Variants in KDM4B observed in about 807,000 individuals in gnomAD.
The protein encoded by KDM4B is lysine-specific demethylase 4B.
Under a neutral mutation model 125.2 loss-of-function variants are expected in KDM4B, and 32 were observed. The observed-to-expected ratio is 0.26, with a 90% confidence interval of 0.19 to 0.34. The LOEUF is 0.34. Among genes scored for constraint, KDM4B ranks in the 10% least tolerant of loss-of-function variants. The pLI, the probability that KDM4B is intolerant of heterozygous loss-of-function variation, is 1.00. For missense variants in KDM4B, 1,190 were observed against 1,577.7 expected (o/e 0.75, Z 4.16); for synonymous variants, 721 against 677.9 (o/e 1.06, Z -0.99).
intron 10 of KDM4B, chr19:5,111,388 G>GT (rs766706852): frequency 1.3e-6 from 1 of 764,976 alleles, no homozygotes; most frequent in Admixed American, 1.7e-5. Flanking sequence ...CCCTCCCTGC[G>GT]TATCGCCGCA....
chr19:5,143,144 A>G (rs2039775353), intron 18 of KDM4B, among the ~76,000 whole-genome samples: 1 of 152,030 alleles, frequency 6.6e-6, no homozygotes. Context: ...TGGACAATAT[A>G]GCAAGACTCC....
chr19:5,090,766 G>A (rs999412501), intron 9 of KDM4B, among the ~76,000 whole-genome samples: 3 of 149,422 alleles, frequency 2.0e-5, no homozygotes, highest in Non-Finnish European at 4.5e-5. Flanking sequence ...ACAGCAGGAG[G>A]CTGGGCCCAG....
chr19:5,014,178 GCT>G (rs966003172), intron 1 of KDM4B, among the ~76,000 whole-genome samples: 26 of 152,358 alleles, frequency 1.7e-4, no homozygotes, highest in Admixed American at 1.2e-3. Context: ...ACAGGGTCTC[GCT>G]CTGTCGCCCA....
At chr19:5,123,297 A>G (rs916461470) in intron 11 of KDM4B, among the ~76,000 whole-genome samples, 2 of 152,214 alleles carry the variant, frequency 1.3e-5, no homozygotes, top group Non-Finnish European at 2.9e-5. Context: ...GGAAGCGGGA[A>G]GGTCACGGTC....
Position 5,110,654 on chromosome 19 carries a change from C to T in KDM4B, c.951C>T (p.Ser317=). Residue 317 remains serine (S), a synonymous_variant, in exon 10 of 23, where the codon TCC becomes TCT. Coordinates refer to ENST00000159111, the MANE Select transcript of KDM4B (RefSeq NM_015015.3). ...GCCGGAAGGACATGGTCAAGATCTC[C>T]ATGGACGTGTTCGTGCGCATCCTGC... ...CTCRKDMVKI[S]MDVFVRILQP... 2.5e-6 allele frequency: 4 copies of T among 1,613,060 alleles called. No individual in the cohort carries two copies. The highest frequency in any genetic ancestry group is 3.4e-6 in the Non-Finnish European group (4 of 1,179,908).
intron 6 of KDM4B, among the ~76,000 whole-genome samples, chr19:5,060,433 C>CAAAAAAAAAAAAAAAAAAAAAA (rs901472663): frequency 1.5e-4 from 5 of 32,978 alleles, no homozygotes; most frequent in Admixed American, 4.9e-4. Context: ...ACTCTGTCTC[C>CAAAAAAAAAAAAAAAAAAAAAA]AAAAAAAAAA....
chr19:5,145,623 G>A (rs542741474), intron 21 of KDM4B, among the ~76,000 whole-genome samples: 26 of 152,046 alleles, frequency 1.7e-4, no homozygotes, highest in East Asian at 1.9e-4. Context: ...AAATAAAAGC[G>A]TGGAATTTTA....
intron 2 of KDM4B, among the ~76,000 whole-genome samples, chr19:5,021,954 T>C (rs995086135): frequency 1.3e-5 from 2 of 152,132 alleles, no homozygotes; most frequent in African/African-American, 4.8e-5. Flanking sequence ...TTTAAGAGAC[T>C]TGGCACGCAT....
At chr19:5,111,713 C>A in intron 10 of KDM4B, 1 of 758,694 alleles carries the variant, frequency 1.3e-6, no homozygotes, top group South Asian at 1.4e-5. Flanking sequence ...ACAGAGTGGG[C>A]TCAGCCAACT....
Position 5,035,887 on chromosome 19 carries a change from G to GCA in KDM4B, c.141+2857_141+2858insAC, listed in dbSNP as rs1568244705. ...TCTGTGTGTGTGTGTGTGTGCGCGCGCGCGCGCGCCTGCGCGCACAGGAGA... is the reference window on the plus strand; with the variant it reads ...TCTGTGTGTGTGTGTGTGTGCGCGCGCACGCGCGCGCCTGCGCGCACAGGAGA... On this transcript the variant is annotated intron_variant, in intron 3 of 22. Coordinates refer to ENST00000159111, the MANE Select transcript of KDM4B (RefSeq NM_015015.3). This position sits in a 1 kb window ranked among gnomAD's most constrained non-coding sequence, Gnocchi z 5.3. 7.0e-6 allele frequency among the ~76,000 whole-genome samples: 1 copy of GCA among 143,518 alleles called. No individual in the cohort carries two copies. Among genetic ancestry groups the GCA allele is most frequent in the Non-Finnish European group, 1.5e-5 (1 of 64,900 alleles). The allele number at this position is 143,518 out of a possible 152,430, so 94.2% of individuals were successfully genotyped here. A position where few individuals can be genotyped will look rare whatever the true frequency, so the allele number is the denominator to read the frequency against.
chr19:5,131,491 A>G lies in KDM4B; in HGVS notation c.1731A>G (p.Ala577=), dbSNP rs1244863169. 6.6e-7 allele frequency: 1 copy of G among 1,526,450 alleles called. No homozygotes were observed. Among genetic ancestry groups the G allele is most frequent in the East Asian group, 2.4e-5 (1 of 41,134 alleles). The allele number at this position is 1,526,450 out of a possible 1,614,324, so 94.6% of individuals were successfully genotyped here. ...PMELTGPEDG[A]ASSGAGRMET... ...AGCTGACGGGGCCAGAGGACGGTGC[A>G]GCCAGCAGTGGGGCAGGTCGCATGG... Residue 577 remains alanine, a synonymous_variant, in exon 12 of 23, where the codon GCA becomes GCG. Coordinates refer to ENST00000159111, the MANE Select transcript of KDM4B (RefSeq NM_015015.3).
rs1409736629 is a variant in KDM4B at position 5,078,742 on chromosome 19, TAA to T, written c.780+1274_780+1275del. 3 of 152,022 alleles carry T rather than the reference TAA, an allele frequency of 2.0e-5. No homozygotes were observed. The highest frequency in any genetic ancestry group is 6.5e-5 in the Admixed American group (1 of 15,268). The allele number at this position is 152,022 out of a possible 1,614,324, so 9.4% of individuals were successfully genotyped here. A position where few individuals can be genotyped will look rare whatever the true frequency, so the allele number is the denominator to read the frequency against. On this transcript the variant is annotated intron_variant, in intron 8 of 22. Transcript: ENST00000159111. The surrounding 1 kb of genome is among the most constrained non-coding windows in gnomAD (Gnocchi z 4.5). ...TCTGTATCGCACTGCAGTTTATCTG[TAA>T]AGTTCCTGAACCTGAGCCAAAGGTG...
chr19:5,063,022 T>C (rs1486461002), intron 6 of KDM4B, among the ~76,000 whole-genome samples: 1 of 151,932 alleles, frequency 6.6e-6, no homozygotes, highest in East Asian at 1.9e-4. Context: ...TTTCTTGATA[T>C]ATCACATTGG....
intron 3 of KDM4B, among the ~76,000 whole-genome samples, chr19:5,033,918 G>T (rs2036536585): frequency 6.6e-6 from 1 of 152,168 alleles, no homozygotes; most frequent in Non-Finnish European, 1.5e-5. Flanking sequence ...ATTGCTTGAG[G>T]CCAGGAGTTC....
intron 1 of KDM4B, among the ~76,000 whole-genome samples, chr19:4,970,603 C>T (rs1373384481): frequency 6.6e-6 from 1 of 152,168 alleles, no homozygotes; most frequent in African/African-American, 2.4e-5. Context: ...AAAGCAGGCT[C>T]ATTAGACGAC....
At chr19:5,070,295 G>T (rs2037905470) in intron 6 of KDM4B, among the ~76,000 whole-genome samples, 1 of 152,138 alleles carries the variant, frequency 6.6e-6, no homozygotes, top group African/African-American at 2.4e-5. Context: ...GCGGCTCCTG[G>T]TGCCCACCCT....
intron 2 of KDM4B, among the ~76,000 whole-genome samples, chr19:5,031,591 G>GGCTGGGGCTCAGC (rs2036460837): frequency 6.6e-6 from 1 of 152,230 alleles, no homozygotes; most frequent in African/African-American, 2.4e-5. Flanking sequence ...GTGACGTCAG[G>GGCTGGGGCTCAGC]GCTGGGGCTC....
intron 14 of KDM4B, 136 bp from the exon 15 acceptor site, chr19:5,135,203 G>A (rs2039625791): frequency 3.2e-6 from 2 of 621,082 alleles, no homozygotes; most frequent in Non-Finnish European, 5.7e-6. Flanking sequence ...AGGTGGCTCT[G>A]GCCATCTCCC....
rs532823681 is a variant in KDM4B at position 5,142,937 on chromosome 19, G to A, written c.2551-1030G>A. Among the ~76,000 whole-genome samples the A allele has an allele frequency of 2.0e-5, 3 of 152,122 alleles. No homozygotes were observed. The highest frequency in any genetic ancestry group is 2.9e-5 in the Non-Finnish European group (2 of 67,978). ...GCCGCCAGGGCCCCGGTGCTGGCTC[G>A]GGCAGGTGTTGCAGCGGGAGCCTCA... is the stretch of plus-strand genomic sequence containing the variant. On this transcript the variant is annotated intron_variant, in intron 18 of 22. Coordinates refer to ENST00000159111, the MANE Select transcript of KDM4B (RefSeq NM_015015.3). The surrounding 1 kb of genome is among the most constrained non-coding windows in gnomAD (Gnocchi z 5.4).
Sources: allele counts gnomAD v4.1 joint callset (sites outside exome capture counted in the v4.1 genomes callset), GRCh38; gene constraint gnomAD v4.1.1; non-coding constraint Gnocchi (gnomAD v3.1); transcripts MANE v1.5; gene names NCBI Gene and HGNC (gene_info 2026-07-23, HGNC 2026-07-21).